GRID1: variants seen among roughly 807,000 people sequenced by gnomAD.
GRID1 encodes glutamate receptor ionotropic, delta-1.
GRID1 carries 28 observed loss-of-function variants against 98.0 expected under a neutral mutation model. That is an observed-to-expected ratio of 0.29 (90% CI 0.21 to 0.39). The LOEUF (loss-of-function observed/expected upper bound fraction) is 0.39, where lower values mean the gene tolerates loss of function less well. GRID1 is among the 10% of genes least tolerant of loss of function. The pLI is 1.00. For synonymous variants in GRID1, 553 were observed against 538.5 expected (o/e 1.03, Z -0.37); for missense variants, 1,111 against 1,340.5 (o/e 0.83, Z 2.67).
chr10:86,315,316 C>T (rs1335821513), intron 2 of GRID1, among the ~76,000 whole-genome samples: 1 of 152,186 alleles, frequency 6.6e-6, no homozygotes, highest in Non-Finnish European at 1.5e-5. Context: ...GTCACCCTGG[C>T]CAGGCATAGC....
intron 8 of GRID1, among the ~76,000 whole-genome samples, chr10:85,825,540 T>A (rs1201460288): frequency 6.6e-6 from 1 of 152,170 alleles, no homozygotes; most frequent in South Asian, 2.1e-4. Flanking sequence ...AATTTAATTA[T>A]GTTAAAATAG....
At chr10:86,228,716 G>A (rs1329047630) in intron 2 of GRID1, among the ~76,000 whole-genome samples, 1 of 140,370 alleles carries the variant, frequency 7.1e-6, no homozygotes, top group African/African-American at 2.5e-5. Context: ...GCAGAGCTTG[G>A]AGACACCAAG....
chr10:85,727,139 T>A (rs975485779), intron 10 of GRID1, among the ~76,000 whole-genome samples: 1 of 151,930 alleles, frequency 6.6e-6, no homozygotes, highest in Non-Finnish European at 1.5e-5. Flanking sequence ...TGGAGTGGAG[T>A]ACAGCAAAGG....
chr10:85,728,014 T>C lies in GRID1; in HGVS notation c.1374A>G (p.Gly458=), dbSNP rs142172855. 2.3e-4 allele frequency: 371 copies of C among 1,613,642 alleles called. No homozygotes were observed. Among genetic ancestry groups the C allele is most frequent in the Non-Finnish European group, 2.9e-4 (345 of 1,179,738 alleles). Residue 458 remains glycine, a synonymous_variant, in exon 10 of 16, where the codon GGA becomes GGG. Coordinates refer to ENST00000327946, the MANE Select transcript of GRID1 (RefSeq NM_017551.3). ...AGAACCCTTTGTAGCGCTTGGGCTG[T>C]CCTAGGATGTTCTCAGCCACCATCA... is the stretch of plus-strand genomic sequence containing the variant. ...PFVMVAENIL[G]QPKRYKGFSI...
chr10:85,913,751 C>T (rs967672847), intron 5 of GRID1, among the ~76,000 whole-genome samples: 6 of 152,246 alleles, frequency 3.9e-5, no homozygotes, highest in African/African-American at 1.4e-4. Flanking sequence ...GATCACACCA[C>T]TGCACTTCAG....
intron 2 of GRID1, among the ~76,000 whole-genome samples, chr10:86,285,393 C>G (rs1847416681): frequency 6.6e-6 from 1 of 152,218 alleles, no homozygotes; most frequent in African/African-American, 2.4e-5. Flanking sequence ...ATGTGACATT[C>G]TTAATGACCC....
chr10:86,034,680 T>C (rs545768084), intron 4 of GRID1, among the ~76,000 whole-genome samples: 3 of 151,882 alleles, frequency 2.0e-5, no homozygotes, highest in Non-Finnish European at 4.4e-5. Context: ...CTGTAATCAT[T>C]TTATCATGTG....
At chr10:85,789,345 A>C (rs1842457687) in intron 8 of GRID1, among the ~76,000 whole-genome samples, 1 of 152,138 alleles carries the variant, frequency 6.6e-6, no homozygotes, top group South Asian at 2.1e-4. Flanking sequence ...CCTGGGGAAG[A>C]TGCCAGAGCA....
chr10:85,914,329 A>C (rs1438143218), intron 5 of GRID1, among the ~76,000 whole-genome samples: 1 of 152,246 alleles, frequency 6.6e-6, no homozygotes, highest in African/African-American at 2.4e-5. Flanking sequence ...GATTCATCAA[A>C]AAAGTAAAAC....
intron 9 of GRID1, among the ~76,000 whole-genome samples, chr10:85,728,554 C>T (rs1264940534): frequency 6.6e-6 from 1 of 152,134 alleles, no homozygotes; most frequent in African/African-American, 2.4e-5. Flanking sequence ...CTGACCAAGG[C>T]CAGACCAGAA....
At chr10:86,207,792 C>T (rs191419146) in intron 2 of GRID1, among the ~76,000 whole-genome samples, 2,137 of 152,008 alleles carry the variant, frequency 0.014, 57 homozygotes, top group African/African-American at 0.049. Context: ...CCACCATGCC[C>T]GGCTAATTTT....
At chr10:86,328,630 C>T (rs1848090840) in intron 2 of GRID1, among the ~76,000 whole-genome samples, 1 of 152,220 alleles carries the variant, frequency 6.6e-6, no homozygotes, top group African/African-American at 2.4e-5. Context: ...ATTCAGGAAG[C>T]ACTTTTATGT....
chr10:86,342,465 G>A (rs765184767), intron 2 of GRID1, among the ~76,000 whole-genome samples: 1 of 152,228 alleles, frequency 6.6e-6, no homozygotes, highest in Non-Finnish European at 1.5e-5. Context: ...GGTCTGTCAA[G>A]CCTCAGAAGT....
intron 12 of GRID1, among the ~76,000 whole-genome samples, chr10:85,716,158 C>T (rs1004877242): frequency 1.3e-5 from 2 of 152,138 alleles, no homozygotes; most frequent in Non-Finnish European, 1.5e-5. Context: ...TCACCAGTCT[C>T]AGCCTCCCAA....
chr10:86,134,987 C>T (rs2131969135), intron 4 of GRID1, among the ~76,000 whole-genome samples: 1 of 152,346 alleles, frequency 6.6e-6, no homozygotes, highest in Non-Finnish European at 1.5e-5. Context: ...GAACTTGGCA[C>T]AGGCTGGGGC....
chr10:85,917,414 ATGT>A (rs1841636180), intron 4 of GRID1, among the ~76,000 whole-genome samples: 1 of 152,192 alleles, frequency 6.6e-6, no homozygotes, highest in South Asian at 2.1e-4. Context: ...TACCCTCTAA[ATGT>A]TGTTTGAGGT....
chr10:86,150,407 T>C (rs1447978957), intron 3 of GRID1, among the ~76,000 whole-genome samples: 2 of 152,356 alleles, frequency 1.3e-5, no homozygotes, highest in African/African-American at 2.4e-5. Flanking sequence ...CACAGAGGAA[T>C]GACCCACATC....
At position 85,868,842 on chromosome 10, in the gene GRID1, G is replaced by A. The variant is rs112698428; in HGVS notation, c.951+168C>T. On this transcript the variant is annotated intron_variant, in intron 6 of 15. Coordinates refer to ENST00000327946, the MANE Select transcript of GRID1 (RefSeq NM_017551.3). The stretch of plus-strand genomic sequence containing the variant: ...TGACAACAGGCATAATTGCCTGCTC[G>A]TGCTGTTCAGAGACACTGCCCAGTC... Among the ~76,000 whole-genome samples, 22 of 152,300 alleles carry A rather than the reference G, an allele frequency of 1.4e-4. 2 individuals carry two copies. The highest frequency in any genetic ancestry group is 6.2e-4 in the South Asian group (3 of 4,820).
chr10:86,009,223 CGTAA>C (rs1437879651), intron 4 of GRID1, among the ~76,000 whole-genome samples: 9 of 152,132 alleles, frequency 5.9e-5, no homozygotes, highest in Non-Finnish European at 8.8e-5. Context: ...TTGCAAGAAG[CGTAA>C]GTGTTTGTTG....
Sources: allele counts gnomAD v4.1 joint callset (sites outside exome capture counted in the v4.1 genomes callset), GRCh38; gene constraint gnomAD v4.1.1; transcripts MANE v1.5; gene names NCBI Gene and HGNC (gene_info 2026-07-23, HGNC 2026-07-21).